The following CUX1 variants were observed in gnomAD, a reference collection of about 807,000 sequenced individuals.
CUX1 encodes protein CASP.
A neutral mutation model predicts 158.8 loss-of-function variants in CUX1; 31 were observed. The ratio of observed to expected loss-of-function variants is 0.20; its 90% CI spans 0.15 to 0.26. The LOEUF is 0.26. CUX1 is among the 10% of genes least tolerant of loss of function. The probability of loss-of-function intolerance (pLI) is 1.00; values close to 1 mark genes in which losing one functional copy is unlikely to be tolerated. For synonymous variants in CUX1, 879 were observed against 862.1 expected, an observed-to-expected ratio of 1.02 and a Z score of -0.34; for missense variants, 1,589 against 2,014.6, an observed-to-expected ratio of 0.79 and a Z score of 4.04.
intron 7 of CUX1, 99 bp from the exon 8 acceptor site, chr7:102,115,108 T>C: frequency 9.5e-7 from 1 of 1,052,120 alleles, no homozygotes; most frequent in South Asian, 1.4e-5. Context: ...ACCTCGCTCC[T>C]CACAGAAATC....
At chr7:101,903,347 C>T (rs572267221) in intron 1 of CUX1, among the ~76,000 whole-genome samples, 28 of 152,230 alleles carry the variant, frequency 1.8e-4, no homozygotes, top group Middle Eastern at 6.8e-3. Context: ...ACCCCAAGAA[C>T]CGTACCCTAG....
At position 102,280,440 on chromosome 7, in the gene CUX1, A is replaced by C. The variant is rs542787265; in HGVS notation, c.1764+320A>C. On this transcript the variant is annotated intron_variant, in intron 19 of 22. Transcript: ENST00000292538. ...TTAACCTGGAGTGCATTTGCGGGAC[A>C]GGCAGACAAGGAAAAACCAGTTACA... Among the ~76,000 whole-genome samples the C allele has an allele frequency of 3.4e-4, 52 of 152,340 alleles. No individual in the cohort carries two copies. In the South Asian group the frequency reaches 7.9e-3, roughly 23 times the overall value.
intron 14 of CUX1, among the ~76,000 whole-genome samples, chr7:102,272,664 C>A (rs1365179160): frequency 3.3e-5 from 5 of 152,202 alleles, no homozygotes; most frequent in Non-Finnish European, 7.3e-5. Context: ...GGTCTGGGTC[C>A]CTTCCCCGAC....
intron 2 of CUX1, among the ~76,000 whole-genome samples, chr7:101,996,870 A>G (rs749776702): frequency 2.6e-5 from 4 of 151,902 alleles, no homozygotes; most frequent in African/African-American, 9.7e-5. Context: ...GCGTCTGCCC[A>G]TGGAAATCTC....
At chr7:102,117,927 G>A (rs1554492309) in intron 8 of CUX1, among the ~76,000 whole-genome samples, 1 of 152,182 alleles carries the variant, frequency 6.6e-6, no homozygotes, top group Non-Finnish European at 1.5e-5. Flanking sequence ...GACCAACCAC[G>A]TAATGTAATA....
chr7:102,198,672 C>T (rs1649630749), intron 15 of CUX1, 130 bp from the exon 16 acceptor site: 2 of 747,680 alleles, frequency 2.7e-6, no homozygotes, highest in Non-Finnish European at 2.3e-6. Flanking sequence ...TAGAAACTCC[C>T]GAGTTGCACA....
rs900005896 is a variant in CUX1, at chr7:101,872,423, C to T, written c.31-43692C>T. Among the ~76,000 whole-genome samples the T allele has an allele frequency of 3.0e-4, 45 of 152,140 alleles. 1 individual carries two copies. The highest frequency in any genetic ancestry group is 3.9e-4 in the Admixed American group (6 of 15,274). On this transcript the variant is annotated intron_variant, in intron 1 of 23. Coordinates refer to ENST00000292535, the MANE Select transcript of CUX1 (RefSeq NM_181552.4). The stretch of plus-strand genomic sequence containing the variant: ...TGTTGGGATTACAGGCATGAGCCAC[C>T]GCGCCCGGCCCATAGAAGGATTTTT...
chr7:101,934,654 G>A (rs757239726), intron 2 of CUX1, among the ~76,000 whole-genome samples: 3 of 152,046 alleles, frequency 2.0e-5, no homozygotes, highest in Non-Finnish European at 2.9e-5. Context: ...CTCCGTCCAC[G>A]TCCTGTCCTC....
rs185939796 is a variant in CUX1, at chr7:101,904,096, G to A, written c.31-12019G>A. 2.7e-3 allele frequency among the ~76,000 whole-genome samples: 405 copies of A among 148,470 alleles called. 1 individual carries two copies. The highest frequency in any genetic ancestry group is 1.0e-2 in the African/African-American group (397 of 39,878). On this transcript the variant is annotated intron_variant, in intron 1 of 23. Transcript: ENST00000292535. ...GGTCACTTGAGCTCAGGAGTAACAT[G>A]GCAAAACCGTGTCTTTACAAAACAC...
chr7:101,921,386 C>T (rs1804910411), intron 2 of CUX1, among the ~76,000 whole-genome samples: 1 of 152,140 alleles, frequency 6.6e-6, no homozygotes, highest in Non-Finnish European at 1.5e-5. Flanking sequence ...TCATGAGATA[C>T]AGTGGATTTC....
chr7:102,115,146 T>G, intron 7 of CUX1, 61 bp from the exon 8 acceptor site: 1 of 1,397,918 alleles, frequency 7.2e-7, no homozygotes, highest in South Asian at 1.2e-5. Context: ...GGGAATAGAT[T>G]ACCTGTGTAT....
chr7:101,941,167 G>C (rs1229758270), intron 2 of CUX1, among the ~76,000 whole-genome samples: 2 of 152,232 alleles, frequency 1.3e-5, no homozygotes, highest in African/African-American at 2.4e-5. Flanking sequence ...CCTGAGCCCT[G>C]ATGGAGCCTC....
chr7:102,140,960 G>A (rs1270721450), intron 8 of CUX1, among the ~76,000 whole-genome samples: 3 of 151,322 alleles, frequency 2.0e-5, no homozygotes, highest in South Asian at 2.1e-4. Flanking sequence ...TATTTTTTTC[G>A]CTACGTCTAA....
chr7:101,877,756 TTGTGTGTGTGTGTGTGTGTGTG>T (rs112494807), intron 1 of CUX1, among the ~76,000 whole-genome samples: 31 of 148,830 alleles, frequency 2.1e-4, no homozygotes, highest in African/African-American at 6.9e-4. Context: ...ATCCCTCCAA[TTGTGTGTGTGTGTGTGTGTGTG>T]TGTGTGTGTG....
intron 20 of CUX1, among the ~76,000 whole-genome samples, chr7:102,209,016 C>T (rs141131224): frequency 6.6e-6 from 1 of 152,284 alleles, no homozygotes; most frequent in East Asian, 1.9e-4. Context: ...GGGCTTACAG[C>T]GGAGTCCGTG....
intron 8 of CUX1, among the ~76,000 whole-genome samples, chr7:102,146,434 G>A (rs1007318967): frequency 3.9e-5 from 6 of 152,092 alleles, no homozygotes; most frequent in Non-Finnish European, 7.4e-5. Flanking sequence ...CATTTCGTTC[G>A]GTTCATCAGC....
intron 3 of CUX1, among the ~76,000 whole-genome samples, chr7:102,029,253 A>G (rs535250843): frequency 6.6e-5 from 10 of 152,238 alleles, no homozygotes; most frequent in Admixed American, 5.9e-4. Context: ...TTGACCTCCC[A>G]AAGTGCTGGG....
chr7:102,163,998 G>C (rs1240676889), intron 9 of CUX1, among the ~76,000 whole-genome samples: 1 of 152,182 alleles, frequency 6.6e-6, no homozygotes, highest in African/African-American at 2.4e-5. Context: ...CCTGTTTGTT[G>C]AACATCAGGG....
chr7:101,896,531 G>A (rs568362125), intron 1 of CUX1, among the ~76,000 whole-genome samples: 3 of 152,200 alleles, frequency 2.0e-5, no homozygotes, highest in African/African-American at 7.2e-5. Context: ...TTTAGAACTC[G>A]CCTTTGTCAG....
Sources: allele counts gnomAD v4.1 joint callset (sites outside exome capture counted in the v4.1 genomes callset), GRCh38; gene constraint gnomAD v4.1.1; transcripts MANE v1.5; gene names NCBI Gene and HGNC (gene_info 2026-07-23, HGNC 2026-07-21).